HNF4A: variants seen among roughly 807,000 people sequenced by gnomAD.
HNF4A encodes hepatocyte nuclear factor 4 alpha, also known as hepatocyte nuclear factor 4-alpha.
A neutral mutation model predicts 52.4 loss-of-function variants in HNF4A; 15 were observed. That is an observed-to-expected ratio of 0.29 (90% CI 0.19 to 0.44). The LOEUF (loss-of-function observed/expected upper bound fraction) is 0.44, where lower values mean the gene tolerates loss of function less well. Among genes scored for constraint, HNF4A ranks in the 20% least tolerant of loss-of-function variants. The pLI is 1.00. For synonymous variants in HNF4A, 280 were observed against 264.4 expected (o/e 1.06, Z -0.57); for missense variants, 479 against 647.2 (o/e 0.74, Z 2.82).
At chr20:44,374,347 A>C (rs1240252499) in intron 1 of HNF4A, among the ~76,000 whole-genome samples, 2 of 151,994 alleles carry the variant, frequency 1.3e-5, no homozygotes. Context: ...CTGTCCTTGA[A>C]CTTGGTTGAG....
rs2063622638 is a variant in HNF4A, at chr20:44,413,869, C to A, written c.492+69C>A. 1.7e-5 allele frequency: 17 copies of A among 1,020,166 alleles called. 1 individual carries two copies. The Admixed American group carries it at 2.7e-4, about 16-fold the overall frequency. 63.2% of individuals were successfully genotyped at this position (1,020,166 alleles called of 1,614,324 possible). A position where few individuals can be genotyped will look rare whatever the true frequency, so the allele number is the denominator to read the frequency against. On this transcript the variant is annotated intron_variant, in intron 4 of 9. Transcript: ENST00000316099. The stretch of plus-strand genomic sequence containing the variant: ...ACAGAGGAGCTCACCTCCTCCACCT[C>A]CATTCTCCCCAGCCAGGCCCTGGAG...
chr20:44,399,242 T>A (rs574439316), upstream of HNF4A, among the ~76,000 whole-genome samples: 4 of 152,280 alleles, frequency 2.6e-5, no homozygotes, highest in South Asian at 8.3e-4. Context: ...TGCCTCTTGC[T>A]CCCTCCCTCA....
intron 5 of HNF4A, among the ~76,000 whole-genome samples, chr20:44,415,388 T>C (rs1022241829): frequency 5.3e-5 from 8 of 152,194 alleles, no homozygotes; most frequent in African/African-American, 1.9e-4. Flanking sequence ...TTTCCCACCG[T>C]ACATTTTTTT....
intron 1 of HNF4A, among the ~76,000 whole-genome samples, chr20:44,362,312 C>A (rs1184023961): frequency 4.0e-5 from 6 of 150,884 alleles, no homozygotes; most frequent in African/African-American, 2.4e-5. Flanking sequence ...CCCAGCTACT[C>A]GGGAGGCTGA....
At chr20:44,367,912 C>T (rs979881604) in intron 1 of HNF4A, among the ~76,000 whole-genome samples, 1 of 151,472 alleles carries the variant, frequency 6.6e-6, no homozygotes, top group South Asian at 2.1e-4. Context: ...GCATGAGAGG[C>T]GGAGCTAGAA....
At position 44,370,147 on chromosome 20, in the gene HNF4A, C is replaced by G. The variant is rs567297350; in HGVS notation, c.49+14294C>G. 2.0e-4 allele frequency among the ~76,000 whole-genome samples: 31 copies of G among 152,296 alleles called. No individual in the cohort carries two copies. The South Asian group carries it at 2.1e-3, about 10-fold the overall frequency. On this transcript the variant is annotated intron_variant, in intron 1 of 9. Transcript: ENST00000316673. Reference sequence around the variant, plus strand: ...GTTCACGCCATTCTCCCGCCTCAGCCCCCCCAAGTAGCTGGGACTACAGGC... The same window carrying G: ...GTTCACGCCATTCTCCCGCCTCAGCGCCCCCAAGTAGCTGGGACTACAGGC...
At chr20:44,383,996 A>G (rs1335638946) in intron 1 of HNF4A, among the ~76,000 whole-genome samples, 1 of 151,902 alleles carries the variant, frequency 6.6e-6, no homozygotes, top group Non-Finnish European at 1.5e-5. Flanking sequence ...GATTACAGGC[A>G]CATGCCACCA....
intron 8 of HNF4A, 71 bp from the exon 9 acceptor site, chr20:44,428,264 G>A (rs918426804): frequency 5.9e-6 from 9 of 1,536,758 alleles, no homozygotes; most frequent in Admixed American, 1.7e-5. Flanking sequence ...CACGCCTGAG[G>A]AAGATGGCGT....
intron 1 of HNF4A, among the ~76,000 whole-genome samples, chr20:44,368,120 ATG>A (rs1297459068): frequency 1.0e-3 from 102 of 101,074 alleles, no homozygotes; most frequent in Middle Eastern, 6.3e-3. Flanking sequence ...GTATACATAT[ATG>A]TGTGTGTGTG....
intron 3 of HNF4A, 86 bp from the exon 4 acceptor site, chr20:44,413,608 T>A: frequency 1.1e-6 from 1 of 882,594 alleles, no homozygotes; most frequent in Non-Finnish European, 1.9e-6. Context: ...CCCCACCTCC[T>A]GCTCCCACTC....
At chr20:44,388,937 C>T (rs1163543621) in intron 1 of HNF4A, among the ~76,000 whole-genome samples, 1 of 152,148 alleles carries the variant, frequency 6.6e-6, no homozygotes, top group East Asian at 1.9e-4. Flanking sequence ...TTGGCTGACC[C>T]GAGGGGTGGG....
In HNF4A at chr20:44,369,120, G is replaced by A. The variant is rs149475051; in HGVS notation, c.49+13267G>A. Among the ~76,000 whole-genome samples the A allele has an allele frequency of 1.3e-4, 20 of 151,778 alleles. No homozygotes were observed. The East Asian group carries it at 3.9e-3, about 29-fold the overall frequency. On this transcript the variant is annotated intron_variant, in intron 1 of 9. Transcript: ENST00000316673. ...AAAAATTAGCTGGGCATAGTGGCGGGCACCTGTAATCCCTGCTACTGTGGA... is the reference window on the plus strand; with the variant it reads ...AAAAATTAGCTGGGCATAGTGGCGGACACCTGTAATCCCTGCTACTGTGGA...
chr20:44,406,421 T>A (rs915709518), intron 2 of HNF4A, among the ~76,000 whole-genome samples, 189 bp downstream of exon 2: 1 of 152,218 alleles, frequency 6.6e-6, no homozygotes, highest in Non-Finnish European at 1.5e-5. Context: ...CATTTACTGA[T>A]CATCAAGCTA....
chr20:44,392,634 A>G (rs561357215), intron 1 of HNF4A, among the ~76,000 whole-genome samples: 2 of 152,278 alleles, frequency 1.3e-5, no homozygotes, highest in South Asian at 2.1e-4. Flanking sequence ...GTAAGCCACC[A>G]TGTTCGGCCA....
chr20:44,381,138 C>A (rs903410149), intron 1 of HNF4A, among the ~76,000 whole-genome samples: 12 of 152,192 alleles, frequency 7.9e-5, no homozygotes, highest in Admixed American at 1.3e-4. Flanking sequence ...GGAATACTCA[C>A]TACTTAATAA....
chr20:44,380,010 G>C (rs991437447), intron 1 of HNF4A, among the ~76,000 whole-genome samples: 2 of 152,082 alleles, frequency 1.3e-5, no homozygotes, highest in African/African-American at 4.8e-5. Context: ...GGGATTACAG[G>C]CGTGAGCCAC....
At position 44,418,456 on chromosome 20, in the gene HNF4A, A is replaced by C. The variant is rs2146438016; in HGVS notation, c.680A>C (p.His227Pro). The stretch of plus-strand genomic sequence containing the variant: ...CTGCTCAGAGCCCATGCTGGCGAGC[A>C]CCTGCTGCTCGGAGCCACCAAGAGA... The change falls in exon 6 of 10, where the codon CAC becomes CCC. Residue 227 changes from histidine (H) to proline (P), a missense_variant. By Grantham distance (77) the His-to-Pro change is moderately conservative. Coordinates refer to ENST00000316099, the MANE Select transcript of HNF4A (RefSeq NM_000457.6). 6.2e-7 allele frequency: 1 copy of C among 1,613,938 alleles called. No homozygotes were observed. The highest frequency in any genetic ancestry group is 8.5e-7 in the Non-Finnish European group (1 of 1,179,996).
chr20:44,375,569 G>A (rs970515723), intron 1 of HNF4A, among the ~76,000 whole-genome samples: 1 of 151,848 alleles, frequency 6.6e-6, no homozygotes, highest in African/African-American at 2.4e-5. Flanking sequence ...GACCCCAAGA[G>A]GAAAGGTGAT....
rs6031561 is a variant in HNF4A at position 44,372,123 on chromosome 20, C to A, written c.49+16270C>A. ...ATTGAGGGCACTTGAGTGTGGGACC[C>A]CTGATCACTGAGACCAAAGCAGAGT... On this transcript the variant is annotated intron_variant, in intron 1 of 9. Coordinates refer to the HNF4A transcript ENST00000316673. Among the ~76,000 whole-genome samples the A allele has an allele frequency of 7.8e-3, 1,185 of 152,246 alleles. 17 individuals carry two copies. Among genetic ancestry groups the A allele is most frequent in the African/African-American group, 0.027 (1,115 of 41,546 alleles).
Sources: allele counts gnomAD v4.1 joint callset (sites outside exome capture counted in the v4.1 genomes callset), GRCh38; gene constraint gnomAD v4.1.1; transcripts MANE v1.5; gene names NCBI Gene and HGNC (gene_info 2026-07-23, HGNC 2026-07-21).